The following RNF212B variants were observed in gnomAD, a reference collection of about 807,000 sequenced individuals.
The protein encoded by RNF212B is ring finger protein 212B.
RNF212B carries 52 observed loss-of-function variants against 55.5 expected under a neutral mutation model. That is an observed-to-expected ratio of 0.94 (90% CI 0.75 to 1.18). The LOEUF is 1.18. Among genes scored for constraint, RNF212B ranks in the 50% most tolerant of loss-of-function variants. The probability of loss-of-function intolerance (pLI) is 0.00; values close to 1 mark genes in which losing one functional copy is unlikely to be tolerated. For missense variants in RNF212B, 289 were observed against 350.4 expected (o/e 0.82, Z 1.40); for synonymous variants, 99 against 121.4 (o/e 0.82, Z 1.21).
chr14:23,252,356 T>G (rs1054376147), intron 4 of RNF212B, among the ~76,000 whole-genome samples: 7 of 151,994 alleles, frequency 4.6e-5, no homozygotes, highest in African/African-American at 1.7e-4. Context: ...GTTCAAAAGA[T>G]CCCCCTCAAA....
intron 2 of RNF212B, among the ~76,000 whole-genome samples, chr14:23,231,993 C>T (rs1010925747): frequency 3.1e-4 from 47 of 152,358 alleles, no homozygotes; most frequent in Non-Finnish European, 1.0e-4. Context: ...TGGCTAGCTA[C>T]AGCCTCCACC....
upstream of RNF212B, among the ~76,000 whole-genome samples, chr14:23,233,871 C>T (rs534986840): frequency 2.5e-3 from 375 of 151,448 alleles, 1 homozygote; most frequent in African/African-American, 8.9e-3. Context: ...CCAAGGTGGG[C>T]GGATCACCTG....
At chr14:23,233,744 A>C (rs59228982), upstream of RNF212B, among the ~76,000 whole-genome samples, 7 of 95,484 alleles carry the variant, frequency 7.3e-5, no homozygotes, top group African/African-American at 2.3e-4. Context: ...CCTGTCTCAA[A>C]AAAAAAAAAA....
intron 7 of RNF212B, among the ~76,000 whole-genome samples, chr14:23,261,688 G>A (rs1885302265): frequency 6.6e-6 from 1 of 152,194 alleles, no homozygotes; most frequent in Non-Finnish European, 1.5e-5. Flanking sequence ...TCGGCTGGGT[G>A]TGGTGGCTCA....
At chr14:23,234,827 G>A (rs1041204220), upstream of RNF212B, among the ~76,000 whole-genome samples, 3 of 152,250 alleles carry the variant, frequency 2.0e-5, no homozygotes, top group Admixed American at 6.5e-5. Flanking sequence ...TGTAATCCCA[G>A]CTGCTGGGGA....
At chr14:23,249,542 A>G (rs1156948253) in intron 4 of RNF212B, among the ~76,000 whole-genome samples, 3 of 152,214 alleles carry the variant, frequency 2.0e-5, no homozygotes, top group African/African-American at 7.2e-5. Flanking sequence ...AAAATTAAAA[A>G]GAGATACTCA....
At chr14:23,217,678 G>A (rs1881221122) in intron 2 of RNF212B, among the ~76,000 whole-genome samples, 1 of 152,076 alleles carries the variant, frequency 6.6e-6, no homozygotes, top group African/African-American at 2.4e-5. Flanking sequence ...CACCAAGGTG[G>A]TACTTCTATG....
intron 2 of RNF212B, among the ~76,000 whole-genome samples, chr14:23,219,058 GA>G (rs1881335031): frequency 6.6e-6 from 1 of 152,024 alleles, no homozygotes; most frequent in African/African-American, 2.4e-5. Context: ...AAATGCTGAA[GA>G]AAAAAACTTT....
intron 1 of RNF212B, among the ~76,000 whole-genome samples, chr14:23,191,348 CAAAA>C (rs776652211): frequency 6.2e-5 from 3 of 48,202 alleles, no homozygotes; most frequent in Non-Finnish European, 4.2e-5. Context: ...GACCCTGTCT[CAAAA>C]AAAAAAAAAA....
At chr14:23,264,818 G>GT (rs35272583) in intron 11 of RNF212B, 147 bp downstream of exon 11, 4,699 of 269,340 alleles carry the variant, frequency 0.017, no homozygotes, top group East Asian at 0.037. Flanking sequence ...ATATTACAAG[G>GT]TTTTTTTTTT....
At chr14:23,200,717 C>T (rs1423681644) in intron 2 of RNF212B, among the ~76,000 whole-genome samples, 1 of 152,130 alleles carries the variant, frequency 6.6e-6, no homozygotes, top group African/African-American at 2.4e-5. Context: ...AGGCCAGAAA[C>T]CCTGTACACG....
intron 1 of RNF212B, among the ~76,000 whole-genome samples, chr14:23,185,806 A>G (rs1877534456): frequency 6.6e-6 from 1 of 152,200 alleles, no homozygotes; most frequent in African/African-American, 2.4e-5. Context: ...GCGATGTAAT[A>G]TCTAGGAAAG....
chr14:23,271,479 C>T (rs981612491), intron 14 of RNF212B, among the ~76,000 whole-genome samples: 13 of 140,680 alleles, frequency 9.2e-5, no homozygotes, highest in Non-Finnish European at 2.0e-4. Flanking sequence ...AAATAAAAGT[C>T]CAGTCTTGCC....
chr14:23,250,075 G>A (rs1263565906), intron 4 of RNF212B, among the ~76,000 whole-genome samples: 2 of 152,138 alleles, frequency 1.3e-5, no homozygotes, highest in Admixed American at 6.5e-5. Context: ...AAGTTATTAC[G>A]TAAGGTTATT....
intron 2 of RNF212B, among the ~76,000 whole-genome samples, chr14:23,222,832 C>A (rs1167618777): frequency 2.0e-5 from 3 of 152,002 alleles, no homozygotes; most frequent in Admixed American, 2.0e-4. Flanking sequence ...GCGGGGGGAT[C>A]ATCTGAGGTC....
rs1331156868 is a variant in RNF212B at position 23,240,320 on chromosome 14, T to C, written c.-1-25T>C. On this transcript the variant is annotated intron_variant, in intron 1 of 14. Transcript: ENST00000430154. ...ATTATGTTATTCTCTAGGTTATTCT[T>C]ACTCTTTCTCTTTATCTGCTCCAGA... 4.2e-6 allele frequency: 6 copies of C among 1,444,294 alleles called. No homozygotes were observed. The South Asian group carries it at 7.4e-5, about 18-fold the overall frequency. The allele number at this position is 1,444,294 out of a possible 1,614,324, so 89.5% of individuals were successfully genotyped here.
At chr14:23,228,349 G>A (rs1882224227) in intron 2 of RNF212B, among the ~76,000 whole-genome samples, 1 of 151,782 alleles carries the variant, frequency 6.6e-6, no homozygotes, top group Non-Finnish European at 1.5e-5. Context: ...GGCTGGCCAG[G>A]CGCAGTGGAT....
chr14:23,193,647 A>T (rs1250830994), intron 2 of RNF212B, among the ~76,000 whole-genome samples: 2 of 152,184 alleles, frequency 1.3e-5, no homozygotes, highest in Non-Finnish European at 2.9e-5. Flanking sequence ...AAGCAAGCAA[A>T]TGAAAACATG....
In RNF212B at chr14:23,240,330, C is replaced by G; in HGVS notation, c.-1-15C>G. On this transcript the variant is annotated splice_polypyrimidine_tract_variant and intron_variant, in intron 1 of 14. Coordinates refer to ENST00000430154, the MANE Select transcript of RNF212B (RefSeq NM_001282322.3). ...TCTCTAGGTTATTCTTACTCTTTCT[C>G]TTTATCTGCTCCAGAATGGATTGGT... 3 of 1,514,546 alleles carry G rather than the reference C, an allele frequency of 2.0e-6. No homozygotes were observed. The highest frequency in any genetic ancestry group is 2.7e-6 in the Non-Finnish European group (3 of 1,114,874). The allele number at this position is 1,514,546 out of a possible 1,614,324, so 93.8% of individuals were successfully genotyped here.
Sources: allele counts gnomAD v4.1 joint callset (sites outside exome capture counted in the v4.1 genomes callset), GRCh38; gene constraint gnomAD v4.1.1; transcripts MANE v1.5; gene names NCBI Gene and HGNC (gene_info 2026-07-23, HGNC 2026-07-21).